C7: variants seen among roughly 807,000 people sequenced by gnomAD.
C7 encodes complement C7.
Under a neutral mutation model 104.8 loss-of-function variants are expected in C7, and 83 were observed. The observed-to-expected ratio is 0.79, with a 90% confidence interval of 0.66 to 0.95. The LOEUF is 0.95. Ranked by LOEUF, C7 falls within the 40% of genes least tolerant of loss-of-function variation. C7 has a pLI of 0.00. For missense variants in C7, 1,070 were observed against 1,011.2 expected, an observed-to-expected ratio of 1.06 and a Z score of -0.79; for synonymous variants, 415 against 360.6, an observed-to-expected ratio of 1.15 and a Z score of -1.71.
intron 8 of C7, 110 bp from the exon 9 acceptor site, chr5:40,949,794 G>A: frequency 1.4e-6 from 1 of 697,648 alleles, no homozygotes; most frequent in Admixed American, 2.2e-5. Context: ...TGTCACTCTT[G>A]ATTAGATGGC....
chr5:40,962,380 T>C (rs994365290), intron 13 of C7, among the ~76,000 whole-genome samples: 1 of 152,202 alleles, frequency 6.6e-6, no homozygotes, highest in African/African-American at 2.4e-5. Context: ...GTGTATCTTC[T>C]ATGGTGTGGG....
chr5:40,926,191 T>C (rs751931707), intron 1 of C7, among the ~76,000 whole-genome samples: 4 of 152,144 alleles, frequency 2.6e-5, no homozygotes, highest in Admixed American at 6.6e-5. Flanking sequence ...AGAAAAACAT[T>C]TGACAAAGTT....
In C7 at chr5:40,979,710, A is replaced by T. The variant is rs1436772939; in HGVS notation, c.2166-15A>T. 1 of 1,598,746 alleles carries T rather than the reference A, an allele frequency of 6.3e-7. No homozygotes were observed. Among genetic ancestry groups the T allele is most frequent in the African/African-American group, 1.3e-5 (1 of 74,590 alleles). On this transcript the variant is annotated splice_polypyrimidine_tract_variant and intron_variant, in intron 16 of 17. Transcript: ENST00000313164. ...CAAAAATCTTGTAAATAATGTCATTAAAAATTCTTTTCAGACCTTCCTTGG... is the reference window on the plus strand; with the variant it reads ...CAAAAATCTTGTAAATAATGTCATTTAAAATTCTTTTCAGACCTTCCTTGG...
At chr5:40,978,873 A>ATTTTTTTT (rs372551834) in intron 16 of C7, among the ~76,000 whole-genome samples, 1,352 of 79,938 alleles carry the variant, frequency 0.017, 70 homozygotes, top group Non-Finnish European at 0.027. Flanking sequence ...TTTTATGGAA[A>ATTTTTTTT]TTTTTTTTTT....
chr5:40,940,065 C>T (rs1019498744), intron 6 of C7, among the ~76,000 whole-genome samples: 4 of 152,122 alleles, frequency 2.6e-5, no homozygotes, highest in African/African-American at 9.7e-5. Flanking sequence ...GGTGTGGACG[C>T]GGAGGTGGTG....
At chr5:40,933,359 G>A (rs1050997840) in intron 3 of C7, among the ~76,000 whole-genome samples, 4 of 152,094 alleles carry the variant, frequency 2.6e-5, no homozygotes, top group South Asian at 2.1e-4. Context: ...TTTTGGTTCC[G>A]TTTTGTTTGT....
In C7 at chr5:40,953,406, G is replaced by C. The variant is rs766577597; in HGVS notation, c.1094-1981G>C. Among the ~76,000 whole-genome samples, 4 of 152,116 alleles carry C rather than the reference G, an allele frequency of 2.6e-5. No individual in the cohort carries two copies. In the East Asian group the frequency reaches 5.8e-4, roughly 22 times the overall value. ...GCCTGTAATCCCAGCACTTTGGCAGGCTGAGGTGGGTGGATCATGAGGTTA... is the reference window on the plus strand; with the variant it reads ...GCCTGTAATCCCAGCACTTTGGCAGCCTGAGGTGGGTGGATCATGAGGTTA... On this transcript the variant is annotated intron_variant, in intron 9 of 17. Transcript: ENST00000313164.
At chr5:40,967,028 G>A (rs890085744) in intron 14 of C7, among the ~76,000 whole-genome samples, 6 of 151,350 alleles carry the variant, frequency 4.0e-5, no homozygotes, top group Admixed American at 6.6e-5. Context: ...ATTGTGAACC[G>A]ACTGATGAAA....
chr5:40,947,906 A>T lies in C7; in HGVS notation c.982+61A>T, dbSNP rs1740085615. 4.1e-6 allele frequency: 6 copies of T among 1,469,660 alleles called. No individual in the cohort carries two copies. In the South Asian group the frequency reaches 7.3e-5, roughly 18 times the overall value. The allele number at this position is 1,469,660 out of a possible 1,614,324, so 91.0% of individuals were successfully genotyped here. On this transcript the variant is annotated intron_variant, in intron 8 of 17. Coordinates refer to ENST00000313164, the MANE Select transcript of C7 (RefSeq NM_000587.4). ...TCTGGGATTTTAATGGGGAAATAAC[A>T]TGTAGTTAATGTAAGCTTTTGAGCT...
At chr5:40,954,207 A>C (rs1285546055) in intron 9 of C7, among the ~76,000 whole-genome samples, 2 of 152,190 alleles carry the variant, frequency 1.3e-5, no homozygotes, top group African/African-American at 4.8e-5. Flanking sequence ...GATGCAATAA[A>C]CTGTTTTCCT....
chr5:40,939,869 C>G (rs1255252907), intron 6 of C7, among the ~76,000 whole-genome samples: 3 of 152,204 alleles, frequency 2.0e-5, no homozygotes, highest in Non-Finnish European at 4.4e-5. Context: ...TTTTCCTCAG[C>G]AGGGCTTGGT....
intron 3 of C7, among the ~76,000 whole-genome samples, chr5:40,931,423 T>G (rs1561241292): frequency 1.3e-5 from 2 of 152,202 alleles, no homozygotes; most frequent in Non-Finnish European, 2.9e-5. Flanking sequence ...TACTAACTCT[T>G]TAACTATGAG....
At chr5:40,936,002 G>A (rs902410862) in intron 4 of C7, among the ~76,000 whole-genome samples, 1 of 152,120 alleles carries the variant, frequency 6.6e-6, no homozygotes, top group Non-Finnish European at 1.5e-5. Context: ...GAAAAAAAGT[G>A]AAAGTTGAAG....
chr5:40,945,725 A>G (rs538163458), intron 7 of C7, among the ~76,000 whole-genome samples: 44 of 151,806 alleles, frequency 2.9e-4, no homozygotes, highest in African/African-American at 1.0e-3. Flanking sequence ...TTAGCTGAGC[A>G]TGGTGGTGCA....
Position 40,967,069 on chromosome 5 carries a change from A to G in C7, c.1882+2196A>G, listed in dbSNP as rs1358703689. 2.3e-5 allele frequency among the ~76,000 whole-genome samples: 3 copies of G among 127,812 alleles called. No individual in the cohort carries two copies. In the Admixed American group the frequency reaches 2.5e-4, roughly 10 times the overall value. The allele number at this position is 127,812 out of a possible 152,430, so 83.8% of individuals were successfully genotyped here. ...GTCTTTTACCTTGACTTTTCAAAGGATTTTTTTTTTTTCTTTGAGATGGAG... is the reference window on the plus strand; with the variant it reads ...GTCTTTTACCTTGACTTTTCAAAGGGTTTTTTTTTTTTCTTTGAGATGGAG... On this transcript the variant is annotated intron_variant, in intron 14 of 17. Transcript: ENST00000313164.
chr5:40,978,144 A>AG (rs201175962), intron 16 of C7, among the ~76,000 whole-genome samples: 24,999 of 146,230 alleles, frequency 0.17, 2,308 homozygotes, highest in Middle Eastern at 0.33. Context: ...CAAAAAGAAA[A>AG]AAAAAAAAAA....
intron 1 of C7, chr5:40,910,920 T>A (rs1034478516): frequency 9.2e-5 from 14 of 152,132 alleles, no homozygotes; most frequent in African/African-American, 3.4e-4. Flanking sequence ...CAATAAGAAA[T>A]CTTAATAATT....
At chr5:40,969,960 T>A (rs1740657900) in intron 14 of C7, among the ~76,000 whole-genome samples, 1 of 151,972 alleles carries the variant, frequency 6.6e-6, no homozygotes, top group African/African-American at 2.4e-5. Flanking sequence ...TTTTTTGTCT[T>A]GGTAGGAGAT....
At position 40,928,686 on chromosome 5, in the gene C7, T is replaced by C. The variant is rs1228280125; in HGVS notation, c.62+51T>C. On this transcript the variant is annotated intron_variant, in intron 2 of 17. Coordinates refer to ENST00000313164, the MANE Select transcript of C7 (RefSeq NM_000587.4). ...AAAATCATTAAATTTAAAAAATGTT[T>C]TAGTAATTCTTTAGTCTAATTTTGA... 5.5e-5 allele frequency: 65 copies of C among 1,183,644 alleles called. 1 individual carries two copies. Among genetic ancestry groups the C allele is most frequent in the Non-Finnish European group, 7.8e-5 (64 of 822,378 alleles). 73.3% of individuals were successfully genotyped at this position (1,183,644 alleles called of 1,614,324 possible). A position where few individuals can be genotyped will look rare whatever the true frequency, so the allele number is the denominator to read the frequency against.
Sources: gnomAD v4.1 joint callset for allele counts (sites outside exome capture counted in the v4.1 genomes callset) on GRCh38, gnomAD v4.1.1 for gene constraint, MANE v1.5 for transcripts, NCBI Gene and HGNC (gene_info 2026-07-23, HGNC 2026-07-21) for gene names.